The following MYO18B variants were observed in gnomAD, a reference collection of about 807,000 sequenced individuals.
The protein encoded by MYO18B is myosin XVIIIB.
In MYO18B, 204 loss-of-function variants were observed where a neutral mutation model predicts 273.0. That is an observed-to-expected ratio of 0.75 (90% CI 0.67 to 0.84). The LOEUF (loss-of-function observed/expected upper bound fraction) is 0.84, where lower values mean the gene tolerates loss of function less well. Ranked by LOEUF, MYO18B falls within the 40% of genes least tolerant of loss-of-function variation. The pLI is 0.00. For synonymous variants in MYO18B, 1,330 were observed against 1,305.7 expected, an observed-to-expected ratio of 1.02 and a Z score of -0.40; for missense variants, 3,212 against 3,287.6, an observed-to-expected ratio of 0.98 and a Z score of 0.56.
chr22:25,897,821 C>T (rs1204707288), intron 28 of MYO18B: 1 of 153,954 alleles, frequency 6.5e-6, no homozygotes, highest in African/African-American at 2.4e-5. Context: ...CGTGTGCATT[C>T]TGGTATTAAT....
chr22:25,937,584 T>A, intron 34 of MYO18B, among the ~76,000 whole-genome samples: 1 of 71,242 alleles, frequency 1.4e-5, no homozygotes, highest in Admixed American at 1.3e-4. Context: ...GGCCTGACAT[T>A]CTTTTTTTTT....
chr22:25,764,674 G>A (rs550572832), intron 3 of MYO18B, among the ~76,000 whole-genome samples: 69 of 152,348 alleles, frequency 4.5e-4, no homozygotes, highest in Non-Finnish European at 9.4e-4. Context: ...TGACAGGGAG[G>A]ACAGGCTCTG....
chr22:25,902,817 G>A (rs2091965402), intron 30 of MYO18B, 81 bp downstream of exon 30: 1 of 1,463,970 alleles, frequency 6.8e-7, no homozygotes, highest in African/African-American at 1.4e-5. Context: ...TGCTGCAAAT[G>A]GTGACAGAGA....
chr22:25,769,262 G>A lies in MYO18B; in HGVS notation c.1346G>A (p.Cys449Tyr), dbSNP rs867541769. 6.9e-6 allele frequency: 11 copies of A among 1,592,360 alleles called. No individual in the cohort carries two copies. The highest frequency in any genetic ancestry group is 7.7e-6 in the Non-Finnish European group (9 of 1,169,832). Residue 449 changes from cysteine to tyrosine, a missense_variant, in exon 4 of 44, where the codon TGC becomes TAC. Physicochemically the swap from Cys to Tyr is radical, Grantham distance 194. Transcript: ENST00000335473. ...GSRGQEAEEP[C>Y]SRAGDGAGAL... Reference sequence around the variant, plus strand: ...CGTGGGCAGGAAGCAGAGGAGCCCTGCTCAAGAGCAGGTGATGGGGCTGGT... The same window carrying A: ...CGTGGGCAGGAAGCAGAGGAGCCCTACTCAAGAGCAGGTGATGGGGCTGGT...
chr22:26,007,468 T>TGGTAAA (rs1934525387), intron 42 of MYO18B, among the ~76,000 whole-genome samples: 7 of 152,178 alleles, frequency 4.6e-5, no homozygotes, highest in African/African-American at 1.7e-4. Context: ...GGTAGACCAC[T>TGGTAAA]CACCTGGTAA....
At chr22:25,991,036 T>C (rs2093264818) in intron 39 of MYO18B, among the ~76,000 whole-genome samples, 1 of 152,190 alleles carries the variant, frequency 6.6e-6, no homozygotes, top group African/African-American at 2.4e-5. Context: ...TCTATTCCGT[T>C]TGCTTCATGT....
At chr22:25,957,552 T>C (rs1227823807) in intron 39 of MYO18B, among the ~76,000 whole-genome samples, 3 of 152,204 alleles carry the variant, frequency 2.0e-5, no homozygotes, top group South Asian at 2.1e-4. Flanking sequence ...TTTCCTAGGA[T>C]TGCCATAGCA....
chr22:25,745,029 T>G (rs2085736202), intron 1 of MYO18B, among the ~76,000 whole-genome samples: 1 of 152,124 alleles, frequency 6.6e-6, no homozygotes, highest in Non-Finnish European at 1.5e-5. Flanking sequence ...ACCATATATA[T>G]TATCCCCCCG....
intron 39 of MYO18B, among the ~76,000 whole-genome samples, chr22:25,972,088 C>T (rs2093041127): frequency 6.6e-6 from 1 of 150,684 alleles, no homozygotes; most frequent in African/African-American, 2.4e-5. Context: ...GCATTCCAGC[C>T]TGGGTGACAG....
At chr22:25,918,217 C>T (rs766229042) in intron 33 of MYO18B, among the ~76,000 whole-genome samples, 1 of 152,166 alleles carries the variant, frequency 6.6e-6, no homozygotes, top group South Asian at 2.1e-4. Context: ...TGTCTCCAAG[C>T]CTCAATTTCC....
At chr22:26,033,837 T>TTTC (rs1309158008), downstream of MYO18B, among the ~76,000 whole-genome samples, 1 of 107,140 alleles carries the variant, frequency 9.3e-6, no homozygotes. Flanking sequence ...TCCTTCTTTC[T>TTTC]TTCTTTCCTT....
At chr22:25,851,365 G>T in intron 20 of MYO18B, 105 bp from the exon 21 acceptor site, 1 of 729,148 alleles carries the variant, frequency 1.4e-6, no homozygotes, top group South Asian at 1.5e-5. Context: ...TAGTAGCCAG[G>T]CTAGGAAGCA....
chr22:25,959,634 A>G (rs1008152449), intron 39 of MYO18B, among the ~76,000 whole-genome samples: 2 of 152,124 alleles, frequency 1.3e-5, no homozygotes, highest in Non-Finnish European at 2.9e-5. Flanking sequence ...TCCTAACTCC[A>G]CAGTCCAAGC....
intron 19 of MYO18B, among the ~76,000 whole-genome samples, chr22:25,846,629 AGGTTCCCCT>A (rs1243271381): frequency 2.0e-5 from 3 of 152,180 alleles, no homozygotes; most frequent in Non-Finnish European, 2.9e-5. Context: ...GCTCACCACT[AGGTTCCCCT>A]GGGGCAAGGC....
intron 34 of MYO18B, among the ~76,000 whole-genome samples, chr22:25,929,170 A>AAAG (rs2092463591): frequency 6.6e-6 from 1 of 151,664 alleles, no homozygotes; most frequent in Non-Finnish European, 1.5e-5. Context: ...CAAAAAAAAA[A>AAAG]AAAAAAAGAC....
Position 25,847,667 on chromosome 22 carries a change from G to T in MYO18B, c.3775+15G>T. ...GCATAGGACAGGTAAGAGACAGCTA[G>T]GACACAGCACCTTGTCTCTGACTCC... On this transcript the variant is annotated intron_variant, in intron 20 of 43. Transcript: ENST00000335473. 1 of 1,539,892 alleles carries T rather than the reference G, an allele frequency of 6.5e-7. No homozygotes were observed. Among genetic ancestry groups the T allele is most frequent in the East Asian group, 2.4e-5 (1 of 40,992 alleles).
chr22:25,864,627 C>T (rs573110984), intron 21 of MYO18B, among the ~76,000 whole-genome samples: 1 of 152,324 alleles, frequency 6.6e-6, no homozygotes, highest in Non-Finnish European at 1.5e-5. Flanking sequence ...CCTACCATCA[C>T]TTCCTAAACA....
chr22:25,982,014 T>C (rs1297971555), intron 39 of MYO18B, among the ~76,000 whole-genome samples: 1 of 151,974 alleles, frequency 6.6e-6, no homozygotes, highest in East Asian at 1.9e-4. Flanking sequence ...TGGCAGAAGT[T>C]GAAGGGGAAG....
the MYO18B span, among the ~76,000 whole-genome samples, chr22:26,063,573 CAT>C: frequency 6.6e-6 from 1 of 152,176 alleles, no homozygotes; most frequent in Non-Finnish European, 1.5e-5. Context: ...TCTCTTTGCA[CAT>C]CAGACAGGGA....
Sources: gnomAD v4.1 joint callset for allele counts (sites outside exome capture counted in the v4.1 genomes callset) on GRCh38, gnomAD v4.1.1 for gene constraint, MANE v1.5 for transcripts, NCBI Gene and HGNC (gene_info 2026-07-23, HGNC 2026-07-21) for gene names.